The following MICAL3 variants were observed in gnomAD, a reference collection of about 807,000 sequenced individuals.
MICAL3 encodes microtubule associated monooxygenase, calponin and LIM domain containing 3, also known as [F-actin]-monooxygenase MICAL3.
In MICAL3, 62 loss-of-function variants were observed where a neutral mutation model predicts 207.4. The observed-to-expected ratio is 0.30, with a 90% CI of 0.24 to 0.37. The LOEUF (loss-of-function observed/expected upper bound fraction) is 0.37. Among genes scored for constraint, MICAL3 ranks in the 10% least tolerant of loss-of-function variants. The pLI is 1.00. For missense variants in MICAL3, 2,368 were observed against 2,635.6 expected, an observed-to-expected ratio of 0.90 and a Z score of 2.22; for synonymous variants, 1,077 against 1,069.3, an observed-to-expected ratio of 1.01 and a Z score of -0.14.
At chr22:17,829,188 C>T (rs1344188624) in intron 21 of MICAL3, among the ~76,000 whole-genome samples, 3 of 137,854 alleles carry the variant, frequency 2.2e-5, no homozygotes, top group Non-Finnish European at 3.1e-5. Context: ...TTTTTTGAGA[C>T]GAAGTGTCGC....
Position 17,841,635 on chromosome 22 carries a change from C to T in MICAL3, c.2801+187G>A. 1.7e-6 allele frequency: 1 copy of T among 604,902 alleles called. No individual in the cohort carries two copies. Among genetic ancestry groups the T allele is most frequent in the Non-Finnish European group, 2.9e-6 (1 of 340,648 alleles). 37.5% of individuals were successfully genotyped at this position (604,902 alleles called of 1,614,324 possible). A position where few individuals can be genotyped will look rare whatever the true frequency, so the allele number is the denominator to read the frequency against. On this transcript the variant is annotated intron_variant, in intron 20 of 31. Coordinates refer to ENST00000441493, the MANE Select transcript of MICAL3 (RefSeq NM_015241.3). This position sits in a 1 kb window ranked among gnomAD's most constrained non-coding sequence, Gnocchi z 4.2. ...TACTTCCTGAATCTCTGAATTGAGTCTGATGGAGGAGTCCTCACTGACTAG... is the reference window on the plus strand; with the variant it reads ...TACTTCCTGAATCTCTGAATTGAGTTTGATGGAGGAGTCCTCACTGACTAG...
At chr22:17,947,309 AT>A (rs1934120759) in intron 1 of MICAL3, among the ~76,000 whole-genome samples, 1 of 152,210 alleles carries the variant, frequency 6.6e-6, no homozygotes, top group Admixed American at 6.5e-5. Context: ...CAATGAGACA[AT>A]GTTTTCCCTT....
intron 29 of MICAL3, among the ~76,000 whole-genome samples, chr22:17,798,601 T>C (rs942965456): frequency 3.9e-5 from 6 of 152,138 alleles, no homozygotes; most frequent in Non-Finnish European, 8.8e-5. Context: ...GCCACTATAT[T>C]TACTGCTAAC....
chr22:17,891,991 G>T (rs1300057943), intron 11 of MICAL3, among the ~76,000 whole-genome samples: 2 of 152,176 alleles, frequency 1.3e-5, no homozygotes, highest in Non-Finnish European at 2.9e-5. Context: ...TGAGTTCCCG[G>T]ACAGTCGCTG....
At chr22:17,816,823 C>G (rs952333098) in intron 26 of MICAL3, 39 bp from the exon 27 acceptor site, 2 of 1,413,572 alleles carry the variant, frequency 1.4e-6, no homozygotes, top group South Asian at 1.2e-5. Context: ...CAGCGCCAGA[C>G]AGCAGGCGCA....
chr22:17,790,695 G>A lies in MICAL3; in HGVS notation c.*37C>T. ...GGTTTGGATGCCACTGCCTGGCCAG[G>A]CGGATGCCAACAGAAAATGGAGCGT... On this transcript the variant is annotated 3_prime_UTR_variant, in exon 32 of 32. Transcript: ENST00000441493. 6.5e-7 allele frequency: 1 copy of A among 1,548,576 alleles called. No individual in the cohort carries two copies.
rs150435095 is a variant in MICAL3 at position 17,868,333 on chromosome 22, G to A, written c.2429-2321C>T. On this transcript the variant is annotated intron_variant, in intron 17 of 31. Coordinates refer to ENST00000441493, the MANE Select transcript of MICAL3 (RefSeq NM_015241.3). ...GCTTTTTAAATTAAAAAAAAAAAAA[G>A]CTAATTTTAATGTTAACATTTACCA... 8.4e-3 allele frequency among the ~76,000 whole-genome samples: 1,266 copies of A among 151,000 alleles called. 48 individuals carry two copies. The highest frequency in any genetic ancestry group is 0.064 in the Admixed American group (968 of 15,204).
At chr22:17,816,383 GAAGA>G (rs1220227191) in intron 27 of MICAL3, among the ~76,000 whole-genome samples, 1 of 152,240 alleles carries the variant, frequency 6.6e-6, no homozygotes, top group Non-Finnish European at 1.5e-5. Flanking sequence ...GATCACCTAT[GAAGA>G]AAGACAATGC....
intron 1 of MICAL3, among the ~76,000 whole-genome samples, chr22:17,957,381 C>T (rs1372923732): frequency 6.6e-6 from 1 of 152,194 alleles, no homozygotes; most frequent in African/African-American, 2.4e-5. Context: ...CAATTTCCGA[C>T]TGAAACTAAT....
chr22:17,930,134 T>C (rs765184680), intron 1 of MICAL3, among the ~76,000 whole-genome samples: 10 of 152,134 alleles, frequency 6.6e-5, no homozygotes, highest in Non-Finnish European at 1.2e-4. Context: ...CCCATCAGAA[T>C]AACTAAAATT....
At chr22:17,802,756 T>C (rs1178450385) in intron 29 of MICAL3, among the ~76,000 whole-genome samples, 1 of 152,108 alleles carries the variant, frequency 6.6e-6, no homozygotes, top group Non-Finnish European at 1.5e-5. Context: ...GAGACAATTA[T>C]CTTTGCCATT....
chr22:17,921,836 CAG>C (rs1932806914), intron 1 of MICAL3, among the ~76,000 whole-genome samples: 1 of 152,070 alleles, frequency 6.6e-6, no homozygotes, highest in South Asian at 2.1e-4. Flanking sequence ...CCACGAGTGC[CAG>C]AGGGGTCTTT....
At chr22:17,903,928 C>A in intron 3 of MICAL3, among the ~76,000 whole-genome samples, 1 of 152,238 alleles carries the variant, frequency 6.6e-6, no homozygotes, top group Non-Finnish European at 1.5e-5. Flanking sequence ...TTTCATAACG[C>A]ACACTGTCTG....
intron 20 of MICAL3, among the ~76,000 whole-genome samples, chr22:17,836,705 C>T (rs534468943): frequency 4.9e-4 from 73 of 149,582 alleles, no homozygotes; most frequent in Admixed American, 1.1e-3. Context: ...AGTGCAGTGG[C>T]GCGATCTAGG....
At chr22:17,836,787 C>T (rs934123760) in intron 20 of MICAL3, among the ~76,000 whole-genome samples, 4 of 152,124 alleles carry the variant, frequency 2.6e-5, no homozygotes, top group South Asian at 2.1e-4. Context: ...TGGGACTACT[C>T]GGCCCGCCAC....
chr22:17,978,957 C>T (rs147682392), intron 1 of MICAL3, among the ~76,000 whole-genome samples: 2,616 of 151,476 alleles, frequency 0.017, 68 homozygotes, highest in African/African-American at 0.057. Context: ...GGGAGGACTG[C>T]ATGAGCCCAG....
At chr22:17,944,206 AAACT>A (rs1291899288) in intron 1 of MICAL3, among the ~76,000 whole-genome samples, 4 of 152,186 alleles carry the variant, frequency 2.6e-5, no homozygotes, top group Non-Finnish European at 5.9e-5. Context: ...CTCTATCCAG[AAACT>A]AACTAACCAG....
intron 16 of MICAL3, chr22:17,875,475 G>A: frequency 6.4e-7 from 1 of 1,554,956 alleles, no homozygotes; most frequent in Non-Finnish European, 8.7e-7. Flanking sequence ...GGAGGGAGAG[G>A]CGGGGCGGGC....
chr22:17,967,775 G>A (rs1935215444), intron 1 of MICAL3, among the ~76,000 whole-genome samples: 1 of 152,110 alleles, frequency 6.6e-6, no homozygotes, highest in Non-Finnish European at 1.5e-5. Flanking sequence ...GGCTGGGCGT[G>A]GTGGCTCACG....
Sources: allele counts gnomAD v4.1 joint callset (sites outside exome capture counted in the v4.1 genomes callset), GRCh38; gene constraint gnomAD v4.1.1; non-coding constraint Gnocchi (gnomAD v3.1); transcripts MANE v1.5; gene names NCBI Gene and HGNC (gene_info 2026-07-23, HGNC 2026-07-21).